CCDC81: variants seen among roughly 807,000 people sequenced by gnomAD.
CCDC81 encodes the protein coiled-coil domain-containing protein 81.
In CCDC81, 79 loss-of-function variants were observed where a neutral mutation model predicts 83.7. That is an observed-to-expected ratio of 0.94 (90% CI 0.79 to 1.14). CCDC81 has a LOEUF of 1.14. CCDC81 is among the 50% of genes most tolerant of loss of function. The pLI, the probability that CCDC81 is intolerant of heterozygous loss-of-function variation, is 0.00. For missense variants in CCDC81, 791 were observed against 778.1 expected, an observed-to-expected ratio of 1.02 and a Z score of -0.20; for synonymous variants, 252 against 278.1, an observed-to-expected ratio of 0.91 and a Z score of 0.93.
rs141118421 is a variant in CCDC81 at position 86,391,166 on chromosome 11, G to C, written c.299-1375G>C. ...CAGAGAGGCAGTGGGCAAATGGGAG[G>C]AGAAAATCCAGAGGCAGGCAAGACA... On this transcript the variant is annotated intron_variant, in intron 3 of 14. Coordinates refer to ENST00000445632, the MANE Select transcript of CCDC81 (RefSeq NM_001156474.2). 1.1e-4 allele frequency among the ~76,000 whole-genome samples: 16 copies of C among 152,264 alleles called. No homozygotes were observed. In the East Asian group the frequency reaches 3.1e-3, roughly 29 times the overall value.
chr11:86,384,782 T>G (rs551599550), intron 1 of CCDC81, among the ~76,000 whole-genome samples: 3 of 152,372 alleles, frequency 2.0e-5, no homozygotes, highest in African/African-American at 7.2e-5. Context: ...CAGTCTTGAT[T>G]TGCAGAGAGT....
In CCDC81 at chr11:86,375,203, A is replaced by G. The variant is rs1473126297; in HGVS notation, c.40A>G (p.Arg14Gly). 3 of 1,613,038 alleles carry G rather than the reference A, an allele frequency of 1.9e-6. No homozygotes were observed. The highest frequency in any genetic ancestry group is 2.2e-5 in the South Asian group (2 of 91,082). The change falls in exon 1 of 15, where the codon AGG becomes GGG. Residue 14 changes from arginine (R) to glycine (G), a missense_variant. Physicochemically the swap from Arg to Gly is moderately radical, Grantham distance 125. Coordinates refer to ENST00000445632, the MANE Select transcript of CCDC81 (RefSeq NM_001156474.2). ...CGCCCGTGCCCTGCAGGACCTGGGC[A>G]GGCAGGTGCTGCCCACTCTGCCCTC... ...TIARALQDLGRQVLPTLPSLS... is the reference protein window; with the variant it reads ...TIARALQDLGGQVLPTLPSLS...
intron 10 of CCDC81, among the ~76,000 whole-genome samples, chr11:86,410,690 C>T (rs1194980259): frequency 6.6e-6 from 1 of 152,174 alleles, no homozygotes; most frequent in Non-Finnish European, 1.5e-5. Flanking sequence ...CTATACACAT[C>T]TTAAATTTAA....
At chr11:86,397,549 C>T in intron 5 of CCDC81, 72 bp from the exon 6 acceptor site, 2 of 1,526,190 alleles carry the variant, frequency 1.3e-6, no homozygotes, top group Non-Finnish European at 1.8e-6. Flanking sequence ...GGGTTGCTTC[C>T]AAAACTTGAG....
intron 5 of CCDC81, among the ~76,000 whole-genome samples, chr11:86,396,219 C>T (rs747146502): frequency 2.3e-4 from 35 of 152,174 alleles, no homozygotes; most frequent in Admixed American, 1.2e-3. Flanking sequence ...TTAATCTTCA[C>T]GACAACCATG....
chr11:86,413,643 T>C (rs977364299), intron 11 of CCDC81, among the ~76,000 whole-genome samples: 11 of 152,246 alleles, frequency 7.2e-5, no homozygotes, highest in Non-Finnish European at 1.0e-4. Context: ...TCATTTTGTA[T>C]TGTTTTTGCA....
Position 86,414,847 on chromosome 11 carries a change from A to G in CCDC81, c.1450A>G (p.Lys484Glu), listed in dbSNP as rs1475128778. The change falls in exon 12 of 15, where the codon AAG becomes GAG. Residue 484 changes from lysine to glutamate, a missense_variant. Coordinates refer to ENST00000445632, the MANE Select transcript of CCDC81 (RefSeq NM_001156474.2). ...TAAGATGGAAGAAACACAGTGTTAC[A>G]AGAGAGCTTTGGATGCACAGGTAAG... ...KDKMEETQCY[K>E]RALDAQIKNK... The G allele has an allele frequency of 2.5e-6, 4 of 1,611,108 alleles. No homozygotes were observed. The Admixed American group carries it at 6.8e-5, about 27-fold the overall frequency.
At chr11:86,389,237 AAATAAT>A (rs145645003) in intron 3 of CCDC81, among the ~76,000 whole-genome samples, 1 of 151,554 alleles carries the variant, frequency 6.6e-6, no homozygotes, top group Non-Finnish European at 1.5e-5. Context: ...GAAGGCTGCA[AAATAAT>A]AATAATAATA....
chr11:86,419,987 AGGAGGACT>A lies in CCDC81; in HGVS notation c.1754_1761del (p.Glu585GlyfsTer18). On this transcript the variant is annotated frameshift_variant, in exon 14 of 15. Transcript: ENST00000445632. LOFTEE classifies it high-confidence loss of function. ...GTAAATAGAGTCAACCAATGCTTAC[AGGAGGACT>A]GGGAAAGGAGTGCTGCGATGAAGAA... is the stretch of plus-strand genomic sequence containing the variant. 1.2e-6 allele frequency: 2 copies of A among 1,614,014 alleles called. No homozygotes were observed. Among genetic ancestry groups the A allele is most frequent in the Non-Finnish European group, 1.7e-6 (2 of 1,179,972 alleles).
intron 7 of CCDC81, among the ~76,000 whole-genome samples, 168 bp downstream of exon 7, chr11:86,400,969 T>C (rs1377173974): frequency 6.6e-6 from 1 of 152,186 alleles, no homozygotes; most frequent in Non-Finnish European, 1.5e-5. Context: ...GTTCACCATC[T>C]AGTGGGAAAG....
At chr11:86,390,221 G>A (rs997410427) in intron 3 of CCDC81, among the ~76,000 whole-genome samples, 10 of 152,184 alleles carry the variant, frequency 6.6e-5, no homozygotes, top group Admixed American at 1.3e-4. Flanking sequence ...TCTGCTTTAC[G>A]AAGATGACAT....
At chr11:86,384,503 C>T (rs992346236) in intron 1 of CCDC81, among the ~76,000 whole-genome samples, 3 of 152,150 alleles carry the variant, frequency 2.0e-5, no homozygotes, top group Admixed American at 2.0e-4. Flanking sequence ...GTCATTGCTA[C>T]TTCTCATCCA....
At chr11:86,395,627 TC>T (rs995317199) in intron 5 of CCDC81, among the ~76,000 whole-genome samples, 3 of 152,096 alleles carry the variant, frequency 2.0e-5, no homozygotes, top group African/African-American at 4.8e-5. Flanking sequence ...TTCTTTTTTA[TC>T]CCCCCTCACC....
rs1190665878 is a variant in CCDC81 at position 86,413,840 on chromosome 11, T to C, written c.1392-949T>C. Among the ~76,000 whole-genome samples the C allele has an allele frequency of 5.9e-5, 9 of 152,152 alleles. No individual in the cohort carries two copies. The East Asian group carries it at 1.3e-3, about 23-fold the overall frequency. On this transcript the variant is annotated intron_variant, in intron 11 of 14. Coordinates refer to ENST00000445632, the MANE Select transcript of CCDC81 (RefSeq NM_001156474.2). ...ACTGGAACCAGAGACTAAAAATCCA[T>C]GTAGAGCGGCTTTCCCTCTGCTTAC...
chr11:86,380,403 G>A (rs1477056944), intron 1 of CCDC81, among the ~76,000 whole-genome samples: 1 of 151,966 alleles, frequency 6.6e-6, no homozygotes, highest in Non-Finnish European at 1.5e-5. Flanking sequence ...CTGATTTTCT[G>A]TACTTTGAAA....
intron 8 of CCDC81, 124 bp from the exon 9 acceptor site, chr11:86,408,003 C>A: frequency 1.1e-6 from 1 of 909,284 alleles, no homozygotes; most frequent in Non-Finnish European, 1.6e-6. Context: ...ATTTTGCTGT[C>A]ACTAATATAT....
chr11:86,412,683 AC>A, intron 11 of CCDC81, 124 bp downstream of exon 11: 1 of 853,016 alleles, frequency 1.2e-6, no homozygotes, highest in Non-Finnish European at 1.8e-6. Flanking sequence ...GAGCAAACTA[AC>A]CCAGTTAGCA....
chr11:86,419,178 T>G (rs1018085214), intron 13 of CCDC81: 1 of 152,248 alleles, frequency 6.6e-6, no homozygotes, highest in African/African-American at 2.4e-5. Context: ...CAGTTACATT[T>G]TGTGAAGCTC....
intron 13 of CCDC81, among the ~76,000 whole-genome samples, chr11:86,416,834 C>T (rs1237899516): frequency 6.6e-6 from 1 of 152,146 alleles, no homozygotes; most frequent in African/African-American, 2.4e-5. Flanking sequence ...CACTTTCTTT[C>T]AGAGGGGATA....
Sources: allele counts gnomAD v4.1 joint callset (sites outside exome capture counted in the v4.1 genomes callset), GRCh38; gene constraint gnomAD v4.1.1; transcripts MANE v1.5; gene names NCBI Gene and HGNC (gene_info 2026-07-23, HGNC 2026-07-21).